BANK1: variants seen among roughly 807,000 people sequenced by gnomAD.
BANK1 encodes B cell scaffold protein with ankyrin repeats 1.
In BANK1, 95 loss-of-function variants were observed where a neutral mutation model predicts 94.5. The ratio of observed to expected loss-of-function variants is 1.00; its 90% confidence interval spans 0.85 to 1.19. The LOEUF is 1.19. Ranked by LOEUF, BANK1 falls within the 50% of genes most tolerant of loss-of-function variation. The pLI is 0.00. For synonymous variants in BANK1, 334 were observed against 308.4 expected (o/e 1.08, Z -0.87); for missense variants, 987 against 932.2 (o/e 1.06, Z -0.77).
intron 7 of BANK1, among the ~76,000 whole-genome samples, chr4:101,925,854 G>T (rs1723136022): frequency 6.6e-6 from 1 of 151,656 alleles, no homozygotes; most frequent in Admixed American, 6.6e-5. Flanking sequence ...TTACATGCCT[G>T]CTGGTCAAAA....
chr4:101,823,340 G>A (rs1031600007), intron 1 of BANK1, among the ~76,000 whole-genome samples: 74 of 152,128 alleles, frequency 4.9e-4, no homozygotes, highest in African/African-American at 1.3e-3. Flanking sequence ...AAATAATCAC[G>A]TATTTTATGA....
At chr4:101,986,897 G>GTTTATATA (rs1377407537) in intron 7 of BANK1, among the ~76,000 whole-genome samples, 1 of 58,024 alleles carries the variant, frequency 1.7e-5, no homozygotes, top group Non-Finnish European at 3.1e-5. Context: ...GTGTGTGTGT[G>GTTTATATA]TGTATATATA....
At chr4:101,925,819 G>A (rs1053912741) in intron 7 of BANK1, among the ~76,000 whole-genome samples, 5 of 151,582 alleles carry the variant, frequency 3.3e-5, no homozygotes, top group Admixed American at 6.6e-5. Flanking sequence ...AGCTTGTGTA[G>A]AACAGGGTAA....
chr4:101,899,531 AT>A (rs896811675), intron 6 of BANK1, among the ~76,000 whole-genome samples: 4 of 152,070 alleles, frequency 2.6e-5, no homozygotes, highest in South Asian at 4.2e-4. Flanking sequence ...AATCTTCCAA[AT>A]TTTTTTTACC....
rs530428535 is a variant in BANK1, at chr4:102,013,983, A to G, written c.1207-7531A>G. 3.9e-5 allele frequency among the ~76,000 whole-genome samples: 6 copies of G among 152,246 alleles called. No individual in the cohort carries two copies. In the East Asian group the frequency reaches 1.2e-3, roughly 29 times the overall value. ...TCACAAAAACCCTGCGAGATAAGGT[A>G]CATTTATGGTCATTTTCACATCCAG... On this transcript the variant is annotated intron_variant, in intron 7 of 16. Transcript: ENST00000322953.
At chr4:101,905,277 G>C (rs993798396) in intron 6 of BANK1, among the ~76,000 whole-genome samples, 3 of 148,194 alleles carry the variant, frequency 2.0e-5, no homozygotes. Flanking sequence ...GACCTTTTGC[G>C]GGGGTTCCCC....
intron 10 of BANK1, among the ~76,000 whole-genome samples, chr4:102,037,999 T>C (rs1482687967): frequency 1.3e-5 from 2 of 152,212 alleles, no homozygotes; most frequent in Non-Finnish European, 2.9e-5. Flanking sequence ...GAATACTATC[T>C]AGAACAAAGG....
intron 7 of BANK1, among the ~76,000 whole-genome samples, chr4:102,020,257 G>T (rs1487608898): frequency 1.3e-5 from 2 of 151,954 alleles, no homozygotes; most frequent in Non-Finnish European, 2.9e-5. Flanking sequence ...GAAATATATA[G>T]GTGAAGCTAA....
At chr4:101,798,671 T>A (rs1725245682) in intron 1 of BANK1, among the ~76,000 whole-genome samples, 2 of 152,244 alleles carry the variant, frequency 1.3e-5, no homozygotes, top group Admixed American at 1.3e-4. Flanking sequence ...TGTGAGATGG[T>A]ATCTCACTGT....
intron 5 of BANK1, among the ~76,000 whole-genome samples, chr4:101,893,733 C>T (rs918818821): frequency 2.6e-5 from 4 of 151,980 alleles, no homozygotes; most frequent in South Asian, 2.1e-4. Flanking sequence ...AATATAAATA[C>T]TCAACTACAT....
intron 5 of BANK1, among the ~76,000 whole-genome samples, chr4:101,893,320 C>G (rs186793910): frequency 2.6e-5 from 4 of 152,006 alleles, no homozygotes; most frequent in African/African-American, 9.6e-5. Context: ...TGGAAGGAAT[C>G]CCAGAAGCTA....
intron 1 of BANK1, among the ~76,000 whole-genome samples, chr4:101,812,012 A>G (rs1251904014): frequency 1.3e-5 from 2 of 152,014 alleles, no homozygotes; most frequent in Non-Finnish European, 2.9e-5. Context: ...AAACATATAA[A>G]CAAAAGTTTA....
At chr4:101,951,752 A>C (rs1299084730) in intron 7 of BANK1, among the ~76,000 whole-genome samples, 1 of 152,050 alleles carries the variant, frequency 6.6e-6, no homozygotes, top group Non-Finnish European at 1.5e-5. Context: ...TTAAACCTAT[A>C]AATATTTTGG....
chr4:101,836,654 A>T (rs572537272), intron 2 of BANK1, among the ~76,000 whole-genome samples: 1 of 152,316 alleles, frequency 6.6e-6, no homozygotes, highest in South Asian at 2.1e-4. Flanking sequence ...TCTTGATGAA[A>T]GGTTTACTGT....
intron 7 of BANK1, among the ~76,000 whole-genome samples, chr4:101,958,616 G>T (rs976073396): frequency 1.5e-4 from 23 of 151,998 alleles, no homozygotes; most frequent in African/African-American, 5.6e-4. Context: ...CATTTATTGT[G>T]CTCACCTGGC....
rs199862226 is a variant in BANK1, at chr4:102,055,352, TAGAA to T, written c.1970-4855_1970-4852del. On this transcript the variant is annotated intron_variant, in intron 11 of 16. Transcript: ENST00000322953. Reference sequence around the variant, plus strand: ...ATAATTTTTAAAAAATCTTATAAAATAGAAAGAGAATAATTTCTCAACATTATCA... The same window carrying T: ...ATAATTTTTAAAAAATCTTATAAAATAGAGAATAATTTCTCAACATTATCA... Among the ~76,000 whole-genome samples the T allele has an allele frequency of 6.1e-3, 935 of 152,122 alleles. 5 individuals are homozygous for T. The highest frequency in any genetic ancestry group is 0.048 in the Middle Eastern group (14 of 292).
At chr4:102,071,426 T>G (rs556768907) in intron 14 of BANK1, 122 bp downstream of exon 14, 2 of 975,328 alleles carry the variant, frequency 2.1e-6, no homozygotes, top group African/African-American at 3.3e-5. Flanking sequence ...ACATAGATTT[T>G]ATATTTATAT....
intron 7 of BANK1, among the ~76,000 whole-genome samples, chr4:101,959,775 C>T (rs748234932): frequency 3.3e-5 from 5 of 152,146 alleles, no homozygotes; most frequent in Non-Finnish European, 7.4e-5. Flanking sequence ...AGAGATTCAT[C>T]TGTCATGAGC....
At chr4:102,061,012 A>T (rs1318116394) in intron 12 of BANK1, among the ~76,000 whole-genome samples, 1 of 152,190 alleles carries the variant, frequency 6.6e-6, no homozygotes, top group African/African-American at 2.4e-5. Flanking sequence ...TAACACGGTC[A>T]TATTCCCATA....
Sources: allele counts gnomAD v4.1 joint callset (sites outside exome capture counted in the v4.1 genomes callset), GRCh38; gene constraint gnomAD v4.1.1; transcripts MANE v1.5; gene names NCBI Gene and HGNC (gene_info 2026-07-23, HGNC 2026-07-21).